CNTN4: variants seen among roughly 807,000 people sequenced by gnomAD.
CNTN4 encodes contactin-4.
CNTN4 carries 77 observed loss-of-function variants against 122.5 expected under a neutral mutation model. The observed-to-expected ratio is 0.63, with a 90% CI of 0.52 to 0.76. The LOEUF is 0.76. CNTN4 is among the 30% of genes least tolerant of loss of function. The probability of loss-of-function intolerance (pLI) is 0.00; values close to 1 mark genes in which losing one functional copy is unlikely to be tolerated. For synonymous variants in CNTN4, 512 were observed against 447.0 expected (o/e 1.15, Z -1.83); for missense variants, 1,256 against 1,259.1 (o/e 1.00, Z 0.04).
intron 8 of CNTN4, among the ~76,000 whole-genome samples, chr3:2,873,730 A>G (rs34758591): frequency 0.046 from 6,959 of 152,268 alleles, 195 homozygotes; most frequent in Non-Finnish European, 0.068. Flanking sequence ...TAATTAACCT[A>G]GTGGGTTTTT....
intron 2 of CNTN4, among the ~76,000 whole-genome samples, chr3:2,301,522 T>C (rs1333031295): frequency 6.6e-6 from 1 of 152,236 alleles, no homozygotes; most frequent in Non-Finnish European, 1.5e-5. Flanking sequence ...TTCTTGTTCT[T>C]TTTCATACCA....
intron 2 of CNTN4, among the ~76,000 whole-genome samples, chr3:2,281,382 A>G (rs1450022048): frequency 1.3e-5 from 2 of 152,084 alleles, no homozygotes; most frequent in Non-Finnish European, 2.9e-5. Context: ...CACAACTATT[A>G]TGCTTGTTAG....
chr3:2,639,650 C>T (rs761994875), intron 4 of CNTN4, among the ~76,000 whole-genome samples: 6 of 152,066 alleles, frequency 3.9e-5, no homozygotes, highest in Non-Finnish European at 2.9e-5. Context: ...AGCAGGTACT[C>T]GATGCATATT....
chr3:2,807,666 T>C (rs1229131819), intron 6 of CNTN4, among the ~76,000 whole-genome samples: 1 of 152,220 alleles, frequency 6.6e-6, no homozygotes, highest in Non-Finnish European at 1.5e-5. Flanking sequence ...ATGCAAAGCA[T>C]GTCCAGTTTC....
intron 4 of CNTN4, among the ~76,000 whole-genome samples, chr3:2,582,578 C>T (rs1163547162): frequency 1.3e-5 from 2 of 152,144 alleles, no homozygotes; most frequent in African/African-American, 4.8e-5. Context: ...CACAAACCTT[C>T]CTCAGAGAGT....
At chr3:2,116,603 G>T (rs1559256608) in intron 2 of CNTN4, among the ~76,000 whole-genome samples, 1 of 152,164 alleles carries the variant, frequency 6.6e-6, no homozygotes, top group Non-Finnish European at 1.5e-5. Flanking sequence ...CTTCTAGGTA[G>T]ATATAAATAG....
intron 3 of CNTN4, among the ~76,000 whole-genome samples, chr3:2,553,705 T>A (rs1249778224): frequency 6.6e-6 from 1 of 152,134 alleles, no homozygotes; most frequent in African/African-American, 2.4e-5. Context: ...GAACACTGGG[T>A]TTCAAACTAA....
chr3:2,457,462 G>T (rs890212744), intron 3 of CNTN4, among the ~76,000 whole-genome samples: 1 of 151,984 alleles, frequency 6.6e-6, no homozygotes, highest in African/African-American at 2.4e-5. Context: ...ATATATACAG[G>T]GTTAAAAATC....
chr3:3,035,899 T>C (rs1336077266), intron 17 of CNTN4, among the ~76,000 whole-genome samples: 1 of 151,832 alleles, frequency 6.6e-6, no homozygotes, highest in Admixed American at 6.6e-5. Context: ...AGACATGAGA[T>C]TTCTTTTTAA....
At chr3:3,009,552 G>T (rs1696996780) in intron 14 of CNTN4, among the ~76,000 whole-genome samples, 1 of 150,276 alleles carries the variant, frequency 6.7e-6, no homozygotes, top group Admixed American at 6.6e-5. Context: ...TCCTGCCTCA[G>T]CTTCCCGAGT....
chr3:2,112,835 C>T (rs1463261483), intron 2 of CNTN4, among the ~76,000 whole-genome samples: 1 of 152,090 alleles, frequency 6.6e-6, no homozygotes. Context: ...AGAGAGACCC[C>T]CATCCATTTA....
intron 2 of CNTN4, among the ~76,000 whole-genome samples, chr3:2,140,915 T>C (rs762579495): frequency 1.3e-5 from 2 of 152,200 alleles, no homozygotes. Flanking sequence ...CTTTTGATTG[T>C]GTCAAGAGTT....
At chr3:2,487,842 T>C (rs1375175122) in intron 3 of CNTN4, among the ~76,000 whole-genome samples, 4 of 152,234 alleles carry the variant, frequency 2.6e-5, no homozygotes, top group Non-Finnish European at 5.9e-5. Context: ...TAGCATTTAG[T>C]AGCAAATTAA....
At chr3:2,135,838 C>G (rs1176154413) in intron 2 of CNTN4, among the ~76,000 whole-genome samples, 4 of 152,188 alleles carry the variant, frequency 2.6e-5, no homozygotes, top group Non-Finnish European at 5.9e-5. Context: ...ATTGGAGAGA[C>G]TAGAGAGGCA....
intron 13 of CNTN4, among the ~76,000 whole-genome samples, chr3:2,978,082 A>G (rs1475225920): frequency 6.6e-6 from 1 of 152,198 alleles, no homozygotes; most frequent in Non-Finnish European, 1.5e-5. Flanking sequence ...AACCTGGCCA[A>G]TACCTTCATG....
At chr3:2,922,559 A>C (rs976665648) in intron 12 of CNTN4, among the ~76,000 whole-genome samples, 2 of 151,936 alleles carry the variant, frequency 1.3e-5, no homozygotes, top group African/African-American at 4.8e-5. Context: ...GGGTTAGATA[A>C]CTTCAGAAGC....
intron 6 of CNTN4, among the ~76,000 whole-genome samples, chr3:2,750,447 T>G (rs1259714225): frequency 1.3e-5 from 2 of 152,232 alleles, no homozygotes; most frequent in Non-Finnish European, 2.9e-5. Context: ...TAAGCAAAAT[T>G]TATAGCTAAC....
chr3:2,238,975 T>TA (rs2039814152), intron 2 of CNTN4: 1 of 149,068 alleles, frequency 6.7e-6, no homozygotes, highest in African/African-American at 2.5e-5. Flanking sequence ...TCCGCCCGCC[T>TA]CGGCCTCCCA....
chr3:2,608,826 G>A (rs565055183), intron 4 of CNTN4, among the ~76,000 whole-genome samples: 1 of 152,192 alleles, frequency 6.6e-6, no homozygotes, highest in Admixed American at 6.5e-5. Flanking sequence ...TGAGAGTAAT[G>A]AATAGAAAAG....
Sources: allele counts gnomAD v4.1 joint callset (sites outside exome capture counted in the v4.1 genomes callset), GRCh38; gene constraint gnomAD v4.1.1; transcripts MANE v1.5; gene names NCBI Gene and HGNC (gene_info 2026-07-23, HGNC 2026-07-21).